The following FAM107B variants were observed in gnomAD, a reference collection of about 807,000 sequenced individuals.
The protein encoded by FAM107B is family with sequence similarity 107 member B.
A neutral mutation model predicts 31.5 loss-of-function variants in FAM107B; 21 were observed. The ratio of observed to expected loss-of-function variants is 0.67; its 90% CI spans 0.47 to 0.96. The LOEUF is 0.96. FAM107B is among the 40% of genes least tolerant of loss of function. The probability of loss-of-function intolerance (pLI) is 0.00; values close to 1 mark genes in which losing one functional copy is unlikely to be tolerated. For missense variants in FAM107B, 452 were observed against 377.1 expected, an observed-to-expected ratio of 1.20 and a Z score of -1.64; for synonymous variants, 157 against 141.5, an observed-to-expected ratio of 1.11 and a Z score of -0.78.
At chr10:14,671,880 AAAAACAAAAAAAC>A (rs1216007970) in intron 1 of FAM107B, among the ~76,000 whole-genome samples, 1 of 53,096 alleles carries the variant, frequency 1.9e-5, no homozygotes, top group Admixed American at 2.0e-4. Context: ...TTTAAAAAAA[AAAAACAAAAAAAC>A]AAAAAAAAAA....
chr10:14,648,345 G>C (rs1259829682), intron 2 of FAM107B, among the ~76,000 whole-genome samples: 3 of 152,190 alleles, frequency 2.0e-5, no homozygotes. Flanking sequence ...ATGAACGAGG[G>C]GAAACAAAAA....
At chr10:14,597,250 C>A (rs1200170039) in intron 2 of FAM107B, among the ~76,000 whole-genome samples, 1 of 152,174 alleles carries the variant, frequency 6.6e-6, no homozygotes, top group Non-Finnish European at 1.5e-5. Context: ...CACTCACAAA[C>A]CACCTGTGAT....
chr10:14,685,689 A>G (rs1854966624), intron 1 of FAM107B, among the ~76,000 whole-genome samples: 1 of 152,158 alleles, frequency 6.6e-6, no homozygotes, highest in Non-Finnish European at 1.5e-5. Context: ...ACTGCCTCCT[A>G]TGAACACATA....
At chr10:14,531,919 T>G (rs1176950447) in intron 2 of FAM107B, among the ~76,000 whole-genome samples, 2 of 152,224 alleles carry the variant, frequency 1.3e-5, no homozygotes, top group African/African-American at 4.8e-5. Flanking sequence ...ATTCTCAGTC[T>G]ACACTGAGTC....
At chr10:14,632,865 G>A (rs1251482576) in intron 2 of FAM107B, among the ~76,000 whole-genome samples, 7 of 151,970 alleles carry the variant, frequency 4.6e-5, no homozygotes, top group Non-Finnish European at 8.8e-5. Context: ...CAGAGATGAG[G>A]CTGGAGACCC....
intron 2 of FAM107B, among the ~76,000 whole-genome samples, chr10:14,641,200 G>C (rs1045861356): frequency 2.0e-5 from 3 of 152,202 alleles, no homozygotes; most frequent in Non-Finnish European, 4.4e-5. Context: ...TGATAACCAA[G>C]CTGGAAATTT....
At chr10:14,618,158 A>T (rs1852901058) in intron 2 of FAM107B, among the ~76,000 whole-genome samples, 1 of 152,158 alleles carries the variant, frequency 6.6e-6, no homozygotes, top group Admixed American at 6.5e-5. Flanking sequence ...GAAGGGTATT[A>T]TACAGTTCAG....
Position 14,521,070 on chromosome 10 carries a change from A to T in FAM107B, c.*120T>A. 1 of 784,410 alleles carries T rather than the reference A, an allele frequency of 1.3e-6. No individual in the cohort carries two copies. Among genetic ancestry groups the T allele is most frequent in the South Asian group, 1.8e-5 (1 of 57,038 alleles). 48.6% of individuals were successfully genotyped at this position (784,410 alleles called of 1,614,324 possible). A position where few individuals can be genotyped will look rare whatever the true frequency, so the allele number is the denominator to read the frequency against. ...TCGTAGGAAAATCAAACCAAATCCTACTGCAAGTCAAAATTCTCTGCTGGC... is the reference window on the plus strand; with the variant it reads ...TCGTAGGAAAATCAAACCAAATCCTTCTGCAAGTCAAAATTCTCTGCTGGC... On this transcript the variant is annotated 3_prime_UTR_variant, in exon 5 of 5. Coordinates refer to ENST00000181796, the MANE Select transcript of FAM107B (RefSeq NM_031453.4).
intron 1 of FAM107B, among the ~76,000 whole-genome samples, chr10:14,733,919 T>C (rs140424515): frequency 3.4e-4 from 52 of 152,300 alleles, no homozygotes; most frequent in African/African-American, 1.2e-3. Context: ...TCAACAAATG[T>C]CCTTGAAAAG....
At chr10:14,575,992 C>A (rs1477890228) in intron 2 of FAM107B, among the ~76,000 whole-genome samples, 2 of 152,124 alleles carry the variant, frequency 1.3e-5, no homozygotes, top group Non-Finnish European at 2.9e-5. Flanking sequence ...AAGCCAGTCA[C>A]AAAAAGACAA....
chr10:14,680,273 C>G (rs935730376), intron 1 of FAM107B, among the ~76,000 whole-genome samples: 2 of 152,020 alleles, frequency 1.3e-5, no homozygotes, highest in African/African-American at 4.8e-5. Flanking sequence ...ATGAGGAGAT[C>G]AGACAAAAGC....
chr10:14,603,242 A>C (rs190297626), intron 2 of FAM107B, among the ~76,000 whole-genome samples: 3 of 152,138 alleles, frequency 2.0e-5, no homozygotes, highest in Admixed American at 6.5e-5. Context: ...TTTCAACTTA[A>C]AGCCACTTGG....
chr10:14,674,204 GCTAGTA>G (rs1438036128), intron 1 of FAM107B, among the ~76,000 whole-genome samples: 2 of 152,120 alleles, frequency 1.3e-5, no homozygotes, highest in Non-Finnish European at 2.9e-5. Context: ...AGGTTTTATG[GCTAGTA>G]CCTCAAAAAC....
At chr10:14,710,182 A>G (rs1399256336) in intron 1 of FAM107B, among the ~76,000 whole-genome samples, 4 of 152,158 alleles carry the variant, frequency 2.6e-5, no homozygotes, top group African/African-American at 4.8e-5. Context: ...GGTAGGTAGG[A>G]ACTCTCTACT....
At chr10:14,729,994 C>A (rs1003446122) in intron 1 of FAM107B, among the ~76,000 whole-genome samples, 16 of 152,026 alleles carry the variant, frequency 1.1e-4, no homozygotes, top group Non-Finnish European at 7.4e-5. Flanking sequence ...ACAATGAGAA[C>A]ACATGGACAC....
intron 2 of FAM107B, among the ~76,000 whole-genome samples, chr10:14,636,176 AT>A (rs1451745881): frequency 6.6e-6 from 1 of 151,714 alleles, no homozygotes; most frequent in African/African-American, 2.4e-5. Flanking sequence ...AGCACCCCTC[AT>A]CCCCATACAC....
intron 1 of FAM107B, among the ~76,000 whole-genome samples, chr10:14,703,327 C>CTTTT (rs532320563): frequency 8.6e-5 from 12 of 138,854 alleles, no homozygotes; most frequent in East Asian, 2.1e-4. Context: ...CCTTCTTCTT[C>CTTTT]TTTTTTTTTT....
intron 1 of FAM107B, chr10:14,723,876 C>A: frequency 1.3e-6 from 1 of 754,338 alleles, no homozygotes; most frequent in South Asian, 1.3e-5. Flanking sequence ...CATGAACTGC[C>A]AGCAGAAGCT....
intron 2 of FAM107B, among the ~76,000 whole-genome samples, chr10:14,629,449 T>C (rs375068721): frequency 0.46 from 8,252 of 17,876 alleles, 1,119 homozygotes; most frequent in Admixed American, 0.59. Flanking sequence ...ATATATATTA[T>C]ATATATATTA....
Sources: allele counts gnomAD v4.1 joint callset (sites outside exome capture counted in the v4.1 genomes callset), GRCh38; gene constraint gnomAD v4.1.1; transcripts MANE v1.5; gene names NCBI Gene and HGNC (gene_info 2026-07-23, HGNC 2026-07-21).